The following MEGF8 variants were observed in gnomAD, a reference collection of about 807,000 sequenced individuals.
MEGF8 encodes the protein multiple EGF like domains 8.
A neutral mutation model predicts 302.9 loss-of-function variants in MEGF8; 156 were observed. The observed-to-expected ratio is 0.52, with a 90% confidence interval of 0.45 to 0.59. MEGF8 has a LOEUF of 0.59. Ranked by LOEUF, MEGF8 falls within the 20% of genes least tolerant of loss-of-function variation. The probability of loss-of-function intolerance (pLI) is 0.00; values close to 1 mark genes in which losing one functional copy is unlikely to be tolerated. For missense variants in MEGF8, 3,345 were observed against 3,964.5 expected, an observed-to-expected ratio of 0.84 and a Z score of 4.20; for synonymous variants, 1,621 against 1,660.5, an observed-to-expected ratio of 0.98 and a Z score of 0.58.
rs1195267957 is a variant in MEGF8, at chr19:42,336,406, C to T, written c.1244+60C>T. ...GCCAGGCCCAGCTCAACACCATAGG[C>T]CTTTAGTCTTTAGAGGTCTTTGCCC... On this transcript the variant is annotated intron_variant, in intron 6 of 41. Coordinates refer to ENST00000251268, the MANE Select transcript of MEGF8 (RefSeq NM_001271938.2). The surrounding 1 kb of genome is among the most constrained non-coding windows in gnomAD (Gnocchi z 4.8). 2.1e-5 allele frequency: 31 copies of T among 1,480,074 alleles called. No homozygotes were observed. In the Admixed American group the frequency reaches 7.1e-4, roughly 34 times the overall value. The allele number at this position is 1,480,074 out of a possible 1,614,324, so 91.7% of individuals were successfully genotyped here. A position where few individuals can be genotyped will look rare whatever the true frequency, so the allele number is the denominator to read the frequency against.
chr19:42,339,271 G>A (rs2147456406), intron 8 of MEGF8, among the ~76,000 whole-genome samples: 1 of 152,332 alleles, frequency 6.6e-6, no homozygotes, highest in South Asian at 2.1e-4. Context: ...TAATGGGATT[G>A]CTGGGTCAAA....
chr19:42,336,769 T>TCCTGCCCTGAGCC lies in MEGF8; in HGVS notation c.1245-28_1245-16dup, dbSNP rs766549390. The TCCTGCCCTGAGCC allele has an allele frequency of 1.9e-6, 3 of 1,542,822 alleles. No individual in the cohort carries two copies. The highest frequency in any genetic ancestry group is 2.3e-5 in the East Asian group (1 of 44,226). ...AGCCTGGAGGAGGGAGAGAGACGCT[T>TCCTGCCCTGAGCC]CCTGCCCTGAGCCCCTGCCCTGCTT... On this transcript the variant is annotated intron_variant, in intron 6 of 41. Coordinates refer to ENST00000251268, the MANE Select transcript of MEGF8 (RefSeq NM_001271938.2). This position sits in a 1 kb window ranked among gnomAD's most constrained non-coding sequence, Gnocchi z 4.8.
intron 1 of MEGF8, among the ~76,000 whole-genome samples, chr19:42,329,537 T>C (rs2039028442): frequency 6.6e-6 from 1 of 152,106 alleles, no homozygotes; most frequent in East Asian, 1.9e-4. Context: ...TTCTTACCTA[T>C]AAGAACCAAC....
In MEGF8 at chr19:42,344,920, AT is replaced by A. The variant is rs2039267794; in HGVS notation, c.2097+88del. The A allele has an allele frequency of 1.3e-5, 18 of 1,344,760 alleles. No homozygotes were observed. The highest frequency in any genetic ancestry group is 1.6e-5 in the Non-Finnish European group (16 of 1,007,768). 83.3% of individuals were successfully genotyped at this position (1,344,760 alleles called of 1,614,324 possible). A position where few individuals can be genotyped will look rare whatever the true frequency, so the allele number is the denominator to read the frequency against. On this transcript the variant is annotated intron_variant, in intron 12 of 41. Coordinates refer to ENST00000251268, the MANE Select transcript of MEGF8 (RefSeq NM_001271938.2). The surrounding 1 kb of genome is among the most constrained non-coding windows in gnomAD (Gnocchi z 4.5). ...TCTCAAATGCATCTTTATCACTCTT[AT>A]GTTTACTCCAAAACTCTTTACATTC...
At chr19:42,367,495 A>G (rs1273153297) in intron 35 of MEGF8, among the ~76,000 whole-genome samples, 1 of 152,042 alleles carries the variant, frequency 6.6e-6, no homozygotes, top group African/African-American at 2.4e-5. Flanking sequence ...TCACCATGTT[A>G]GCCAGGATGG....
chr19:42,357,084 C>T lies in MEGF8; in HGVS notation c.4830+103C>T. The T allele has an allele frequency of 8.0e-7, 1 of 1,253,912 alleles. No homozygotes were observed. The highest frequency in any genetic ancestry group is 1.5e-5 in the South Asian group (1 of 66,626). The allele number at this position is 1,253,912 out of a possible 1,614,324, so 77.7% of individuals were successfully genotyped here. ...CTCCATCCCCAGAGGAAACAGAAGCCCCAAACTTGAATTTCCTCGGCCATC... is the reference window on the plus strand; with the variant it reads ...CTCCATCCCCAGAGGAAACAGAAGCTCCAAACTTGAATTTCCTCGGCCATC... On this transcript the variant is annotated intron_variant, in intron 27 of 41. Coordinates refer to ENST00000251268, the MANE Select transcript of MEGF8 (RefSeq NM_001271938.2). The surrounding 1 kb of genome is among the most constrained non-coding windows in gnomAD (Gnocchi z 5.2).
chr19:42,370,834 A>G lies in MEGF8; in HGVS notation c.7136+3A>G. 2 of 246,686 alleles carry G rather than the reference A, an allele frequency of 8.1e-6. No individual in the cohort carries two copies. The highest frequency in any genetic ancestry group is 1.6e-5 in the Non-Finnish European group (2 of 124,918). The allele number at this position is 246,686 out of a possible 1,614,324, so 15.3% of individuals were successfully genotyped here. A position where few individuals can be genotyped will look rare whatever the true frequency, so the allele number is the denominator to read the frequency against. On this transcript the variant is annotated splice_donor_region_variant and intron_variant, in intron 40 of 41. Coordinates refer to ENST00000251268, the MANE Select transcript of MEGF8 (RefSeq NM_001271938.2). ...CTCCTGGACGGGAAGTGCACCAAGTAAGAGGAACCGGGGGGGGGGGGGGGG... is the reference window on the plus strand; with the variant it reads ...CTCCTGGACGGGAAGTGCACCAAGTGAGAGGAACCGGGGGGGGGGGGGGGG...
chr19:42,360,989 C>G lies in MEGF8; in HGVS notation c.5703C>G (p.Ser1901=). ...ACTWCHGACL[S]GDQAHRLGCG... Reference sequence around the variant, plus strand: ...CCTGGTGCCATGGGGCCTGCTTGTCCGGGGATCAGGCCCACAGGTAACCAT... The same window carrying G: ...CCTGGTGCCATGGGGCCTGCTTGTCGGGGGATCAGGCCCACAGGTAACCAT... Residue 1901 remains serine (S), a synonymous_variant, in exon 32 of 42, where the codon TCC becomes TCG. Coordinates refer to ENST00000251268, the MANE Select transcript of MEGF8 (RefSeq NM_001271938.2). The G allele has an allele frequency of 6.4e-7, 1 of 1,559,216 alleles. No individual in the cohort carries two copies. The highest frequency in any genetic ancestry group is 1.2e-5 in the South Asian group (1 of 82,890).
At chr19:42,340,065 A>G (rs890649716) in intron 8 of MEGF8, among the ~76,000 whole-genome samples, 1 of 152,176 alleles carries the variant, frequency 6.6e-6, no homozygotes, top group African/African-American at 2.4e-5. Context: ...CCCCAAAAAA[A>G]CAAAAACAAA....
At position 42,349,661 on chromosome 19, in the gene MEGF8, A is replaced by C; in HGVS notation, c.2461A>C (p.Thr821Pro). The change falls in exon 14 of 42, where the codon ACT becomes CCT. Residue 821 changes from threonine to proline, a missense_variant. By Grantham distance (38) the Thr-to-Pro change is conservative (BLOSUM62 -1). Transcript: ENST00000251268. ...GSAGPGHSELTLLWDRTGVPG... is the reference protein window; with the variant it reads ...GSAGPGHSELPLLWDRTGVPG... ...GGCAGGCCCTGGGCACAGCGAGCTAACTCTGCTGTGGGATCGGACTGGTGT... is the reference window on the plus strand; with the variant it reads ...GGCAGGCCCTGGGCACAGCGAGCTACCTCTGCTGTGGGATCGGACTGGTGT... 6.2e-7 allele frequency: 1 copy of C among 1,612,066 alleles called. No individual in the cohort carries two copies. The highest frequency in any genetic ancestry group is 8.5e-7 in the Non-Finnish European group (1 of 1,179,778).
At chr19:42,333,071 G>C (rs1198017207) in intron 1 of MEGF8, among the ~76,000 whole-genome samples, 2 of 152,226 alleles carry the variant, frequency 1.3e-5, no homozygotes, top group Non-Finnish European at 2.9e-5. Context: ...TGGGGACAGA[G>C]GGGAACTATG....
intron 1 of MEGF8, among the ~76,000 whole-genome samples, chr19:42,330,346 C>T (rs1416135837): frequency 2.0e-5 from 3 of 152,188 alleles, no homozygotes; most frequent in African/African-American, 7.2e-5. Context: ...AGACCTTCAA[C>T]TTAGGGAAGA....
In MEGF8 at chr19:42,351,059, G is replaced by A; in HGVS notation, c.2737-157G>A. 1.5e-6 allele frequency: 1 copy of A among 670,132 alleles called. No individual in the cohort carries two copies. The highest frequency in any genetic ancestry group is 1.9e-5 in the South Asian group (1 of 51,790). 41.5% of individuals were successfully genotyped at this position (670,132 alleles called of 1,614,324 possible). On this transcript the variant is annotated intron_variant, in intron 15 of 41. Coordinates refer to ENST00000251268, the MANE Select transcript of MEGF8 (RefSeq NM_001271938.2). The surrounding 1 kb of genome is among the most constrained non-coding windows in gnomAD (Gnocchi z 5.6). ...TGGGCGGGCCGACCCATGGGTGTCT[G>A]TGGTCGAAGGGAGGGGTCCAGAGAC...
At position 42,375,566 on chromosome 19, in the gene MEGF8, C is replaced by G. The variant is rs943603590; in HGVS notation, c.7329C>G (p.Arg2443=). ...GSPLGGQQCY[R]LISVEQECCL... is the part of the protein sequence containing the mutation. ...CGCTGGGCGGCCAGCAGTGCTACCG[C>G]CTCATCTCGGTGGAGCAGGAGTGCT... Residue 2443 remains arginine (R), a synonymous_variant, in exon 42 of 42, where the codon CGC becomes CGG. Coordinates refer to ENST00000251268, the MANE Select transcript of MEGF8 (RefSeq NM_001271938.2). The surrounding 1 kb of genome is among the most constrained non-coding windows in gnomAD (Gnocchi z 7.1). 14 of 1,596,812 alleles carry G rather than the reference C, an allele frequency of 8.8e-6. No individual in the cohort carries two copies. The highest frequency in any genetic ancestry group is 1.2e-5 in the Non-Finnish European group (14 of 1,172,668).
In MEGF8 at chr19:42,375,491, C is replaced by T; in HGVS notation, c.7270-16C>T. 6 of 1,560,334 alleles carry T rather than the reference C, an allele frequency of 3.8e-6. No homozygotes were observed. The highest frequency in any genetic ancestry group is 5.2e-6 in the Non-Finnish European group (6 of 1,153,680). On this transcript the variant is annotated splice_polypyrimidine_tract_variant and intron_variant, in intron 41 of 41. Transcript: ENST00000251268. The surrounding 1 kb of genome is among the most constrained non-coding windows in gnomAD (Gnocchi z 7.1). The stretch of plus-strand genomic sequence containing the variant: ...CACTCAGCCCTGATGGTCACCGCCT[C>T]TAACCCTGCCCGCAGTGCGCCAAGT...
At chr19:42,372,747 G>C (rs1048701110) in intron 41 of MEGF8, among the ~76,000 whole-genome samples, 1 of 150,568 alleles carries the variant, frequency 6.6e-6, no homozygotes, top group African/African-American at 2.4e-5. Flanking sequence ...ATCTTTGCTC[G>C]AGGCAGCCTC....
At chr19:42,334,759 GTCT>G (rs910331801) in intron 3 of MEGF8, among the ~76,000 whole-genome samples, 3 of 151,944 alleles carry the variant, frequency 2.0e-5, no homozygotes, top group Admixed American at 6.6e-5. Flanking sequence ...TTTTCTGTTG[GTCT>G]TCTTTTTTCC....
chr19:42,333,542 C>A, intron 1 of MEGF8, 63 bp from the exon 2 acceptor site: 1 of 1,517,232 alleles, frequency 6.6e-7, no homozygotes, highest in Non-Finnish European at 9.0e-7. Flanking sequence ...TTGTGGGAGG[C>A]TGCAGGGAGG....
Position 42,355,855 on chromosome 19 carries a change from C to G in MEGF8, c.4242C>G (p.Ser1414Arg). 6.4e-7 allele frequency: 1 copy of G among 1,568,102 alleles called. No homozygotes were observed. The highest frequency in any genetic ancestry group is 8.6e-7 in the Non-Finnish European group (1 of 1,156,610). ...SARCGSGGPG[S>R]CPVPQECVPQ... ...GCTGTGGGTCAGGGGGCCCCGGGAG[C>G]TGTCCCGTCCCCCAGGAATGCGTGC... The change falls in exon 24 of 42, where the codon AGC becomes AGG. Residue 1414 changes from serine (S) to arginine (R), a missense_variant. Transcript: ENST00000251268.
Sources: allele counts gnomAD v4.1 joint callset (sites outside exome capture counted in the v4.1 genomes callset), GRCh38; gene constraint gnomAD v4.1.1; non-coding constraint Gnocchi (gnomAD v3.1); transcripts MANE v1.5; gene names NCBI Gene and HGNC (gene_info 2026-07-23, HGNC 2026-07-21).